Variants in AMMECR1 observed in about 807,000 individuals in gnomAD.
AMMECR1 encodes AMMECR nuclear protein 1, also known as nuclear protein AMMECR1.
In AMMECR1, 3 loss-of-function variants were observed where a neutral mutation model predicts 22.5. The ratio of observed to expected loss-of-function variants is 0.13; its 90% CI spans 0.06 to 0.35. The LOEUF is 0.35. AMMECR1 is among the 10% of genes least tolerant of loss of function. The pLI is 1.00. For missense variants in AMMECR1, 235 were observed against 278.7 expected, an observed-to-expected ratio of 0.84 and a Z score of 1.12; for synonymous variants, 130 against 116.7, an observed-to-expected ratio of 1.11 and a Z score of -0.74.
chrX:110,374,598 A>T (rs2068362717), intron 2 of AMMECR1, among the ~76,000 whole-genome samples: 1 of 112,102 alleles, frequency 8.9e-6, no homozygotes, highest in Non-Finnish European at 1.9e-5. Context: ...AATCTTTAAA[A>T]CTTAGAAGTA....
intron 2 of AMMECR1, among the ~76,000 whole-genome samples, chrX:110,247,231 C>T (rs999500715): frequency 1.8e-5 from 2 of 112,144 alleles, no homozygotes; most frequent in African/African-American, 3.2e-5. Flanking sequence ...TTAGGAAACA[C>T]GTGACATGGG....
intron 1 of AMMECR1, among the ~76,000 whole-genome samples, chrX:110,313,004 T>C (rs2068030935): frequency 8.9e-6 from 1 of 112,133 alleles, no homozygotes; most frequent in South Asian, 3.7e-4. Flanking sequence ...AACAGAAATA[T>C]AATGGCTTAT....
rs548649919 is a variant in AMMECR1, at chrX:110,405,684, A to G, written c.-148+20974T>C. Among the ~76,000 whole-genome samples the G allele has an allele frequency of 8.1e-5, 9 of 111,771 alleles. No individual in the cohort carries two copies. In the South Asian group the frequency reaches 3.4e-3, roughly 43 times the overall value. ...TGTTTTATATAAGGTATCTCTATTAATCTTCACTATGATCCTTCCAAAAAG... is the reference window on the plus strand; with the variant it reads ...TGTTTTATATAAGGTATCTCTATTAGTCTTCACTATGATCCTTCCAAAAAG... On this transcript the variant is annotated intron_variant, in intron 2 of 7. Coordinates refer to the AMMECR1 transcript ENST00000372057.
chrX:110,390,694 A>C (rs1391173867), intron 2 of AMMECR1, among the ~76,000 whole-genome samples: 1 of 112,102 alleles, frequency 8.9e-6, no homozygotes, highest in Non-Finnish European at 1.9e-5. Flanking sequence ...AGCTGTAATG[A>C]CTAAATTATC....
intron 1 of AMMECR1, among the ~76,000 whole-genome samples, chrX:110,431,352 T>TGTGTGTGC (rs1460226037): frequency 9.1e-6 from 1 of 109,475 alleles, no homozygotes; most frequent in African/African-American, 3.3e-5. Flanking sequence ...TGTGTGTGTG[T>TGTGTGTGC]GTGCTGGCTG....
chrX:110,398,741 C>T (rs1390560986), intron 2 of AMMECR1, among the ~76,000 whole-genome samples: 2 of 112,136 alleles, frequency 1.8e-5, no homozygotes, highest in Non-Finnish European at 3.8e-5. Flanking sequence ...CTTCACTTCA[C>T]CTCATAGTTG....
rs2067555076 is a variant in AMMECR1 at position 110,229,977 on chromosome X, T to C, written c.585-13345A>G. 2.7e-5 allele frequency among the ~76,000 whole-genome samples: 3 copies of C among 112,702 alleles called. No individual in the cohort carries two copies. In the South Asian group the frequency reaches 1.1e-3, roughly 41 times the overall value. ...GAGGGGTATCCGCCATTGCTGAGGC[T>C]TGAGTAGGTAAACAAAGCAGCCAGG... On this transcript the variant is annotated intron_variant, in intron 2 of 5. Coordinates refer to ENST00000262844, the MANE Select transcript of AMMECR1 (RefSeq NM_015365.3).
At chrX:110,348,130 T>C (rs751939279) in intron 2 of AMMECR1, among the ~76,000 whole-genome samples, 15 of 112,355 alleles carry the variant, frequency 1.3e-4, no homozygotes, top group Non-Finnish European at 2.8e-4. Flanking sequence ...GAATTATTAT[T>C]ATAGCAACTT....
chrX:110,340,260 C>T (rs952491204), intron 2 of AMMECR1, among the ~76,000 whole-genome samples: 7 of 111,723 alleles, frequency 6.3e-5, no homozygotes, highest in African/African-American at 1.6e-4. Flanking sequence ...ATACGGTAAA[C>T]ACTCAATAAA....
intron 3 of AMMECR1, among the ~76,000 whole-genome samples, chrX:110,209,943 G>A (rs1454633806): frequency 9.1e-6 from 1 of 109,842 alleles, no homozygotes; most frequent in Non-Finnish European, 1.9e-5. Context: ...ACTAGGGAAG[G>A]GGCAGGGAGT....
chrX:110,405,088 T>TTC (rs2068590131), intron 2 of AMMECR1, among the ~76,000 whole-genome samples: 5 of 74,091 alleles, frequency 6.7e-5, no homozygotes, highest in Admixed American at 1.7e-4. Flanking sequence ...GCTTGTTGTG[T>TTC]CCCCCCCCCC....
chrX:110,297,573 AT>A (rs1428045541), intron 1 of AMMECR1, among the ~76,000 whole-genome samples: 1 of 111,491 alleles, frequency 9.0e-6, no homozygotes, highest in African/African-American at 3.3e-5. Context: ...AATACAACAA[AT>A]CTAACTTTTT....
intron 2 of AMMECR1, among the ~76,000 whole-genome samples, chrX:110,375,173 G>T (rs1213682117): frequency 9.0e-6 from 1 of 111,641 alleles, no homozygotes; most frequent in African/African-American, 3.3e-5. Context: ...GGAATTGCAA[G>T]ACTAAAAATG....
At chrX:110,285,119 T>A (rs1010441211) in intron 1 of AMMECR1, among the ~76,000 whole-genome samples, 5 of 112,023 alleles carry the variant, frequency 4.5e-5, no homozygotes, top group Non-Finnish European at 9.4e-5. Flanking sequence ...AGACCCTGCC[T>A]AACCTTTTCA....
At chrX:110,222,682 G>A (rs2067510264) in intron 2 of AMMECR1, among the ~76,000 whole-genome samples, 1 of 106,955 alleles carries the variant, frequency 9.3e-6, no homozygotes, top group Non-Finnish European at 1.9e-5. Flanking sequence ...GAAGAGAAAA[G>A]CAAGAAGCTG....
chrX:110,217,359 A>T (rs969275529), intron 2 of AMMECR1, among the ~76,000 whole-genome samples: 6 of 110,238 alleles, frequency 5.4e-5, no homozygotes, highest in African/African-American at 2.0e-4. Flanking sequence ...TTAGGAGACC[A>T]TTAATCATGT....
rs975286611 is a variant in AMMECR1, at chrX:110,417,404, G to A, written c.-148+9254C>T. On this transcript the variant is annotated intron_variant, in intron 2 of 7. Coordinates refer to the AMMECR1 transcript ENST00000372057. ...TGGGCTAGGCTAGGCAGCAAGAGAT[G>A]CAAAGATAAGTAAAATATTGTCTGT... is the stretch of plus-strand genomic sequence containing the variant. 3.6e-5 allele frequency among the ~76,000 whole-genome samples: 4 copies of A among 112,675 alleles called. No homozygotes were observed. In the East Asian group the frequency reaches 8.3e-4, roughly 23 times the overall value.
At chrX:110,250,415 C>A (rs1015990892) in intron 2 of AMMECR1, among the ~76,000 whole-genome samples, 7 of 111,616 alleles carry the variant, frequency 6.3e-5, no homozygotes, top group African/African-American at 2.3e-4. Flanking sequence ...GATATTGTGG[C>A]AGCAGTAGCT....
At chrX:110,244,310 C>T (rs986257533) in intron 2 of AMMECR1, among the ~76,000 whole-genome samples, 5 of 111,345 alleles carry the variant, frequency 4.5e-5, no homozygotes, top group Middle Eastern at 4.6e-3. Context: ...ACAAGCAGCC[C>T]GAGTCAGGGT....
Sources: gnomAD v4.1 joint callset for allele counts (sites outside exome capture counted in the v4.1 genomes callset) on GRCh38, gnomAD v4.1.1 for gene constraint, MANE v1.5 for transcripts, NCBI Gene and HGNC (gene_info 2026-07-23, HGNC 2026-07-21) for gene names.